Variants in FBXW11 observed in about 807,000 individuals in gnomAD.
FBXW11 encodes F-box/WD repeat-containing protein 11.
Under a neutral mutation model 77.6 loss-of-function variants are expected in FBXW11, and 19 were observed. The ratio of observed to expected loss-of-function variants is 0.24; its 90% CI spans 0.17 to 0.36. FBXW11 has a LOEUF of 0.36. FBXW11 is among the 10% of genes least tolerant of loss of function. The probability of loss-of-function intolerance (pLI) is 1.00; values close to 1 mark genes in which losing one functional copy is unlikely to be tolerated. For missense variants in FBXW11, 334 were observed against 704.2 expected (o/e 0.47, Z 5.95); for synonymous variants, 235 against 249.4 (o/e 0.94, Z 0.54).
intron 1 of FBXW11, among the ~76,000 whole-genome samples, chr5:171,959,602 C>A (rs998399320): frequency 6.6e-6 from 1 of 152,070 alleles, no homozygotes; most frequent in Non-Finnish European, 1.5e-5. Flanking sequence ...AATCCTAGCA[C>A]TTTGGGAAGC....
intron 2 of FBXW11, among the ~76,000 whole-genome samples, chr5:171,917,629 T>C (rs1761336423): frequency 6.6e-6 from 1 of 152,100 alleles, no homozygotes; most frequent in Non-Finnish European, 1.5e-5. Flanking sequence ...AAAATGCTGC[T>C]CTCAAGTTAC....
chr5:171,944,784 T>C (rs1030339703), intron 2 of FBXW11, among the ~76,000 whole-genome samples: 8 of 152,256 alleles, frequency 5.3e-5, no homozygotes, highest in Middle Eastern at 3.4e-3. Flanking sequence ...TCAGTTTTTT[T>C]CAAGATAATC....
intron 1 of FBXW11, among the ~76,000 whole-genome samples, chr5:171,966,040 A>G (rs1764171303): frequency 6.6e-6 from 1 of 152,150 alleles, no homozygotes; most frequent in Non-Finnish European, 1.5e-5. Flanking sequence ...GCCTTCAGCC[A>G]TGATTGTAAG....
rs1021387476 is a variant in FBXW11 at position 171,861,683 on chromosome 5, A to G, written c.*2444T>C. ...TTGACATTACTTAGCAATTTACTGG[A>G]CAAAAGTCAAACTTTTTTGTTTTTT... is the stretch of plus-strand genomic sequence containing the variant. On this transcript the variant is annotated 3_prime_UTR_variant, in exon 14 of 14. Coordinates refer to ENST00000517395, the MANE Select transcript of FBXW11 (RefSeq NM_001378974.1). 6.6e-6 allele frequency: 1 copy of G among 152,656 alleles called. No individual in the cohort carries two copies. The highest frequency in any genetic ancestry group is 2.4e-5 in the African/African-American group (1 of 41,454). 9.5% of individuals were successfully genotyped at this position (152,656 alleles called of 1,614,324 possible).
intron 6 of FBXW11, among the ~76,000 whole-genome samples, chr5:171,893,420 C>CAAAAAAAAAAAAAAAAA: frequency 2.2e-4 from 1 of 4,532 alleles, no homozygotes; most frequent in South Asian, 0.031. Context: ...CACTTCAAAA[C>CAAAAAAAAAAAAAAAAA]CAAAAAAAAA....
At chr5:171,996,519 T>C (rs556550804) in intron 1 of FBXW11, among the ~76,000 whole-genome samples, 10 of 152,280 alleles carry the variant, frequency 6.6e-5, no homozygotes, top group Admixed American at 5.9e-4. Context: ...AGAAATTAGC[T>C]GAGCATAGTG....
chr5:171,995,910 A>G (rs1474922311), intron 1 of FBXW11, among the ~76,000 whole-genome samples: 1 of 152,250 alleles, frequency 6.6e-6, no homozygotes, highest in Non-Finnish European at 1.5e-5. Context: ...CAGCAAGTGT[A>G]GTAAGACAGA....
chr5:171,915,874 T>C (rs750228237), intron 2 of FBXW11, among the ~76,000 whole-genome samples: 1 of 151,852 alleles, frequency 6.6e-6, no homozygotes. Context: ...ATTAAGAAAA[T>C]GTGGCACATA....
chr5:171,875,111 A>G (rs1457923010), intron 9 of FBXW11, among the ~76,000 whole-genome samples: 2 of 152,212 alleles, frequency 1.3e-5, no homozygotes, highest in Non-Finnish European at 2.9e-5. Flanking sequence ...AATTTTATTC[A>G]GCCACTGGAA....
chr5:171,930,551 TCCCTAATCTTAAGTA>T (rs1762113917), intron 2 of FBXW11, among the ~76,000 whole-genome samples: 1 of 151,904 alleles, frequency 6.6e-6, no homozygotes, highest in South Asian at 2.1e-4. Context: ...TCATCACCAC[TCCCTAATCTTAAGTA>T]CCCAGGGACA....
chr5:171,896,280 G>C (rs1759740269), intron 6 of FBXW11, among the ~76,000 whole-genome samples: 1 of 152,134 alleles, frequency 6.6e-6, no homozygotes, highest in African/African-American at 2.4e-5. Context: ...AAGTCTAAGG[G>C]AAACAACACA....
chr5:171,920,236 A>AT lies in FBXW11; in HGVS notation c.148-5832dup, dbSNP rs573622663. Among the ~76,000 whole-genome samples, 438 of 152,272 alleles carry AT rather than the reference A, an allele frequency of 2.9e-3. 3 individuals carry two copies. The highest frequency in any genetic ancestry group is 4.4e-3 in the Admixed American group (67 of 15,296). On this transcript the variant is annotated intron_variant, in intron 2 of 13. Transcript: ENST00000517395. ...TGTCTTCATAAACTGAATTCTGAAC[A>AT]TAAGTGGAAGTAGCGTAAGCTTCCA...
intron 13 of FBXW11, among the ~76,000 whole-genome samples, chr5:171,867,244 G>A (rs1757456338): frequency 6.6e-6 from 1 of 152,132 alleles, no homozygotes; most frequent in Non-Finnish European, 1.5e-5. Context: ...AGGCCATAAG[G>A]TCTCTGTTGC....
intron 2 of FBXW11, among the ~76,000 whole-genome samples, chr5:171,926,143 TG>T (rs1761877438): frequency 6.6e-6 from 1 of 152,218 alleles, no homozygotes; most frequent in South Asian, 2.1e-4. Flanking sequence ...CAAGGAAAAG[TG>T]ATTTTGAAGT....
intron 2 of FBXW11, among the ~76,000 whole-genome samples, chr5:171,946,805 CTTTTTTTTTTTTTT>C (rs70982356): frequency 1.7e-5 from 1 of 58,634 alleles, no homozygotes; most frequent in Non-Finnish European, 2.9e-5. Context: ...GTGTACTTTA[CTTTTTTTTTTTTTT>C]TTTTTTTTTT....
chr5:171,937,894 G>A (rs1476130079), intron 2 of FBXW11, among the ~76,000 whole-genome samples: 2 of 144,976 alleles, frequency 1.4e-5, no homozygotes, highest in East Asian at 4.0e-4. Flanking sequence ...CTTTTGCACA[G>A]CATTTTTATT....
In FBXW11 at chr5:171,873,036, T is replaced by A. The variant is rs201900468; in HGVS notation, c.1222-46A>T. 11 of 1,470,842 alleles carry A rather than the reference T, an allele frequency of 7.5e-6. No individual in the cohort carries two copies. The East Asian group carries it at 2.1e-4, about 28-fold the overall frequency. 91.1% of individuals were successfully genotyped at this position (1,470,842 alleles called of 1,614,324 possible). A position where few individuals can be genotyped will look rare whatever the true frequency, so the allele number is the denominator to read the frequency against. ...ATTTTAAAGAATGAACACAGGAAAG[T>A]CCTCTCACAATATACCTTTCTTAAA... On this transcript the variant is annotated intron_variant, in intron 9 of 13. Coordinates refer to ENST00000517395, the MANE Select transcript of FBXW11 (RefSeq NM_001378974.1).
rs147560093 is a variant in FBXW11, at chr5:171,868,734, A to G, written c.1593T>C (p.His531=). 8.1e-5 allele frequency: 130 copies of G among 1,614,008 alleles called. No homozygotes were observed. In the African/African-American group the frequency reaches 1.7e-3, roughly 21 times the overall value. The stretch of plus-strand genomic sequence containing the variant: ...AATCCCAAATCAAAATAGTGTCATC[A>G]TGGGAGCTGCTGATGATCTGAAACT... ...FDEFQIISSS[H]DDTILIWDFL... is the part of the protein sequence containing the mutation. Residue 531 remains histidine (H), a synonymous_variant, in exon 13 of 14, where the codon CAT becomes CAC. Coordinates refer to ENST00000517395, the MANE Select transcript of FBXW11 (RefSeq NM_001378974.1).
At chr5:171,918,674 T>C (rs1429429554) in intron 2 of FBXW11, among the ~76,000 whole-genome samples, 1 of 152,194 alleles carries the variant, frequency 6.6e-6, no homozygotes, top group Non-Finnish European at 1.5e-5. Flanking sequence ...ATCAAAGATA[T>C]AACCTAGGAA....
Sources: allele counts gnomAD v4.1 joint callset (sites outside exome capture counted in the v4.1 genomes callset), GRCh38; gene constraint gnomAD v4.1.1; transcripts MANE v1.5; gene names NCBI Gene and HGNC (gene_info 2026-07-23, HGNC 2026-07-21).